TMEM185A: variants seen among roughly 807,000 people sequenced by gnomAD.
TMEM185A encodes transmembrane protein 185A.
In TMEM185A, 9 loss-of-function variants were observed where a neutral mutation model predicts 25.0. The observed-to-expected ratio is 0.36, with a 90% confidence interval of 0.22 to 0.63. The LOEUF (loss-of-function observed/expected upper bound fraction) is 0.63, where lower values mean the gene tolerates loss of function less well. Ranked by LOEUF, TMEM185A falls within the 20% of genes least tolerant of loss-of-function variation. The pLI is 0.68. For synonymous variants in TMEM185A, 45 were observed against 93.5 expected (o/e 0.48, Z 2.99); for missense variants, 103 against 237.4 (o/e 0.43, Z 3.72).
chrX:149,620,551 G>A (rs1282332010), intron 1 of TMEM185A, among the ~76,000 whole-genome samples: 3 of 111,815 alleles, frequency 2.7e-5, no homozygotes, highest in Non-Finnish European at 5.6e-5. Context: ...AGTGACAGAA[G>A]ACTAGTGCAG....
chrX:149,608,613 A>G lies in TMEM185A; in HGVS notation c.423+14T>C. On this transcript the variant is annotated intron_variant, in intron 3 of 6. Coordinates refer to ENST00000600449, the MANE Select transcript of TMEM185A (RefSeq NM_032508.4). ...CCCAAAGTGGAAAACATTCTTAAATATATGAAATCTCACCTCTAGTGACCT... is the reference window on the plus strand; with the variant it reads ...CCCAAAGTGGAAAACATTCTTAAATGTATGAAATCTCACCTCTAGTGACCT... 2 of 1,208,698 alleles carry G rather than the reference A, an allele frequency of 1.7e-6. No individual in the cohort carries two copies. Among genetic ancestry groups the G allele is most frequent in the Non-Finnish European group, 1.1e-6 (1 of 893,207 alleles).
Position 149,611,429 on chromosome X carries a change from AG to A in TMEM185A, c.72del (p.Ser25LeufsTer28), listed in dbSNP as rs2090082874. The A allele has an allele frequency of 8.3e-7, 1 of 1,205,431 alleles. No individual in the cohort carries two copies. On this transcript the variant is annotated frameshift_variant, in exon 2 of 7. Transcript: ENST00000600449. LOFTEE classifies it high-confidence loss of function. ...KFLIYACLLL[F>X]SVLLALRLDG... ...TCCAAACGAAGGGCCAGCAGCACAG[AG>A]AACAGCAGCAGACAGGCATAGATGA...
intron 1 of TMEM185A, among the ~76,000 whole-genome samples, chrX:149,627,717 T>A (rs974190511): frequency 8.9e-6 from 1 of 112,596 alleles, no homozygotes; most frequent in African/African-American, 3.2e-5. Flanking sequence ...CATACTCTAT[T>A]GAATTCTTAT....
At chrX:149,617,700 CG>C (rs1402005672) in intron 1 of TMEM185A, among the ~76,000 whole-genome samples, 1 of 111,807 alleles carries the variant, frequency 8.9e-6, no homozygotes, top group Non-Finnish European at 1.9e-5. Context: ...AAAAGGAAAA[CG>C]TATGTCCACA....
At chrX:149,631,299 G>A (rs995126695) in intron 1 of TMEM185A, among the ~76,000 whole-genome samples, 1 of 110,685 alleles carries the variant, frequency 9.0e-6, no homozygotes, top group Non-Finnish European at 1.9e-5. Flanking sequence ...CGGGGCTCGC[G>A]GCCGGGCCCT....
chrX:149,608,248 T>C (rs782527234), intron 3 of TMEM185A, among the ~76,000 whole-genome samples: 3 of 111,848 alleles, frequency 2.7e-5, no homozygotes, highest in South Asian at 3.8e-4. Context: ...TGATGTAGAG[T>C]TGGTAATGAT....
At chrX:149,617,109 A>T (rs3860289) in intron 1 of TMEM185A, among the ~76,000 whole-genome samples, 1 of 112,374 alleles carries the variant, frequency 8.9e-6, no homozygotes, top group Non-Finnish European at 1.9e-5. Flanking sequence ...AACATATACA[A>T]AAATTTATGT....
chrX:149,622,954 T>C (rs1033176368), intron 1 of TMEM185A, among the ~76,000 whole-genome samples: 12 of 112,565 alleles, frequency 1.1e-4, no homozygotes, highest in African/African-American at 3.9e-4. Flanking sequence ...GATGCAAGCA[T>C]ACAATGTGTA....
Position 149,597,119 on chromosome X carries a change from ATC to A in TMEM185A, c.*890_*891del. 9.7e-6 allele frequency: 1 copy of A among 103,241 alleles called. No individual in the cohort carries two copies. The highest frequency in any genetic ancestry group is 3.8e-5 in the African/African-American group (1 of 26,389). 8.5% of individuals were successfully genotyped at this position (103,241 alleles called of 1,213,427 possible). A position where few individuals can be genotyped will look rare whatever the true frequency, so the allele number is the denominator to read the frequency against. On this transcript the variant is annotated 3_prime_UTR_variant, in exon 7 of 7. Transcript: ENST00000600449. The stretch of plus-strand genomic sequence containing the variant: ...TGAGAACGTCAGAAAAGCATGGACC[ATC>A]TCTTGCTTGGTGTTGCCGTTGTGGC...
intron 1 of TMEM185A, among the ~76,000 whole-genome samples, chrX:149,618,695 G>GGTA (rs2090123681): frequency 2.7e-5 from 3 of 111,686 alleles, no homozygotes; most frequent in African/African-American, 6.5e-5. Flanking sequence ...TTACGATACA[G>GGTA]TTGTTATTCA....
Position 149,611,443 on chromosome X carries a change from C to T in TMEM185A, c.59G>A (p.Cys20Tyr), listed in dbSNP as rs2090082951. The change falls in exon 2 of 7, where the codon TGT (cysteine) becomes TAT (tyrosine). Residue 20 changes from cysteine (C) to tyrosine (Y), a missense_variant. Physicochemically the swap from Cys to Tyr is radical, Grantham distance 194. Transcript: ENST00000600449. Reference sequence around the variant, plus strand: ...CAGCAGCACAGAGAACAGCAGCAGACAGGCATAGATGAGGAATTTACTAGG... The same window carrying T: ...CAGCAGCACAGAGAACAGCAGCAGATAGGCATAGATGAGGAATTTACTAGG... Reference protein sequence around the residue: ...FNPSKFLIYACLLLFSVLLAL... With the variant: ...FNPSKFLIYAYLLLFSVLLAL... 1.7e-6 allele frequency: 2 copies of T among 1,197,080 alleles called. No individual in the cohort carries two copies. Among genetic ancestry groups the T allele is most frequent in the African/African-American group, 1.8e-5 (1 of 56,413 alleles).
In TMEM185A at chrX:149,611,163, T is replaced by C. The variant is rs782062880; in HGVS notation, c.215+124A>G. On this transcript the variant is annotated intron_variant, in intron 2 of 6. Transcript: ENST00000600449. ...AACACAGAAGAGATCTGTTAGCTTATACTATAGTTCTAAGACCCCAGATAG... is the reference window on the plus strand; with the variant it reads ...AACACAGAAGAGATCTGTTAGCTTACACTATAGTTCTAAGACCCCAGATAG... The C allele has an allele frequency of 1.0e-3, 642 of 633,428 alleles. 5 individuals carry two copies. In the African/African-American group the frequency reaches 0.013, roughly 13 times the overall value. The allele number at this position is 633,428 out of a possible 1,213,427, so 52.2% of individuals were successfully genotyped here. A position where few individuals can be genotyped will look rare whatever the true frequency, so the allele number is the denominator to read the frequency against.
At chrX:149,609,443 C>G (rs661920) in intron 2 of TMEM185A, among the ~76,000 whole-genome samples, 12,097 of 112,271 alleles carry the variant, frequency 0.11, 1,566 homozygotes, top group African/African-American at 0.36. Context: ...AACACCTGCA[C>G]ATGAAAGAGA....
chrX:149,606,344 C>T (rs1557353476), intron 3 of TMEM185A, among the ~76,000 whole-genome samples: 1 of 113,066 alleles, frequency 8.8e-6, no homozygotes, highest in African/African-American at 3.2e-5. Flanking sequence ...CTATTTCAAG[C>T]TAGTAGTTTG....
intron 1 of TMEM185A, among the ~76,000 whole-genome samples, chrX:149,621,120 C>T (rs1320003931): frequency 9.0e-6 from 1 of 111,296 alleles, no homozygotes; most frequent in Non-Finnish European, 1.9e-5. Context: ...TTAACAAATG[C>T]TAAGATAATG....
rs141699493 is a variant in TMEM185A, at chrX:149,608,820, G to A, written c.230C>T (p.Thr77Met). The A allele has an allele frequency of 1.5e-4, 187 of 1,208,614 alleles. No individual in the cohort carries two copies. Among genetic ancestry groups the A allele is most frequent in the Non-Finnish European group, 1.7e-4 (148 of 894,380 alleles). ...RNPQYRAEGE[T>M]CVEFKAMLIA... ...CAACATGGCTTTAAACTCCACACAC[G>A]TTTCTCCTTCTGCTCTAAAAAAGGG... Residue 77 changes from threonine (T) to methionine (M), a missense_variant, in exon 3 of 7, where the codon ACG (threonine) becomes ATG (methionine). Transcript: ENST00000600449.
At chrX:149,602,916 A>G (rs2090025510) in intron 4 of TMEM185A, among the ~76,000 whole-genome samples, 1 of 112,171 alleles carries the variant, frequency 8.9e-6, no homozygotes, top group Non-Finnish European at 1.9e-5. Context: ...GGTTCCCTTC[A>G]TTTCTTCTCT....
intron 1 of TMEM185A, among the ~76,000 whole-genome samples, chrX:149,612,060 G>A (rs1233986063): frequency 8.9e-6 from 1 of 112,265 alleles, no homozygotes; most frequent in African/African-American, 3.2e-5. Context: ...ACATGCTCAC[G>A]TCTCATATAA....
rs1557354483 is a variant in TMEM185A at position 149,611,410 on chromosome X, C to T, written c.92G>A (p.Arg31His). 4.1e-6 allele frequency: 5 copies of T among 1,208,560 alleles called. No homozygotes were observed. The highest frequency in any genetic ancestry group is 5.6e-6 in the Non-Finnish European group (5 of 894,763). Residue 31 changes from arginine to histidine, a missense_variant, in exon 2 of 7, where the codon CGT becomes CAT. Physicochemically the swap from Arg to His is conservative, Grantham distance 29 (BLOSUM62 0). Around this residue, in one of 2 missense-constraint regions of TMEM185A, gnomAD observed 102 missense variants for 125.7 expected, o/e 0.81. Transcript: ENST00000600449. ...LLLFSVLLAL[R>H]LDGIIQWSYW... is the part of the protein sequence containing the mutation. ...ACTCCACTGTATGATGCCATCCAAA[C>T]GAAGGGCCAGCAGCACAGAGAACAG...
Sources: gnomAD v4.1 joint callset for allele counts (sites outside exome capture counted in the v4.1 genomes callset) on GRCh38, gnomAD v4.1.1 for gene constraint, gnomAD v4.1.1 regional missense constraint, MANE v1.5 for transcripts, NCBI Gene and HGNC (gene_info 2026-07-23, HGNC 2026-07-21) for gene names.